The following ARHGAP10 variants were observed in gnomAD, a reference collection of about 807,000 sequenced individuals.
The protein encoded by ARHGAP10 is rho GTPase-activating protein 10.
ARHGAP10 carries 87 observed loss-of-function variants against 108.6 expected under a neutral mutation model. That is an observed-to-expected ratio of 0.80 (90% CI 0.67 to 0.96). ARHGAP10 has a LOEUF of 0.96. ARHGAP10 is among the 40% of genes least tolerant of loss of function. The pLI, the probability that ARHGAP10 is intolerant of heterozygous loss-of-function variation, is 0.00. For synonymous variants in ARHGAP10, 347 were observed against 341.1 expected (o/e 1.02, Z -0.19); for missense variants, 939 against 954.5 (o/e 0.98, Z 0.21).
At chr4:147,844,773 G>A (rs1733568026) in intron 3 of ARHGAP10, among the ~76,000 whole-genome samples, 2 of 152,052 alleles carry the variant, frequency 1.3e-5, no homozygotes, top group Admixed American at 1.3e-4. Flanking sequence ...GCCTTCATTT[G>A]AACCACCGCC....
chr4:147,879,752 T>G (rs1343325751), intron 9 of ARHGAP10, among the ~76,000 whole-genome samples: 1 of 151,918 alleles, frequency 6.6e-6, no homozygotes, highest in Non-Finnish European at 1.5e-5. Flanking sequence ...TGTCCATGTG[T>G]TCTCATTGTC....
chr4:147,746,872 T>C (rs1430206361), intron 1 of ARHGAP10, among the ~76,000 whole-genome samples: 2 of 152,184 alleles, frequency 1.3e-5, no homozygotes, highest in Non-Finnish European at 2.9e-5. Flanking sequence ...CTGAGGTAGA[T>C]GACAAGATTC....
At chr4:147,855,282 G>A (rs541940269) in intron 4 of ARHGAP10, among the ~76,000 whole-genome samples, 1 of 152,304 alleles carries the variant, frequency 6.6e-6, no homozygotes, top group African/African-American at 2.4e-5. Flanking sequence ...ACCTAATTCA[G>A]TGTGTACTTC....
chr4:148,072,103 C>T lies in ARHGAP10; in HGVS notation c.*22C>T, dbSNP rs1730210184. 9.4e-6 allele frequency: 15 copies of T among 1,602,796 alleles called. No homozygotes were observed. Among genetic ancestry groups the T allele is most frequent in the Non-Finnish European group, 1.3e-5 (15 of 1,174,840 alleles). On this transcript the variant is annotated 3_prime_UTR_variant, in exon 23 of 23. Coordinates refer to ENST00000336498, the MANE Select transcript of ARHGAP10 (RefSeq NM_024605.4). The stretch of plus-strand genomic sequence containing the variant: ...GTAGCTCCTGGCCTCAGAGCCCCTG[C>T]TGACCCTGGCACCCAGGGACCTGCC...
chr4:147,818,828 TA>T (rs1732369292), intron 1 of ARHGAP10, among the ~76,000 whole-genome samples: 1 of 152,116 alleles, frequency 6.6e-6, no homozygotes, highest in Admixed American at 6.6e-5. Flanking sequence ...ATGTATAAAG[TA>T]ATGGAAAGGA....
chr4:147,937,469 A>G lies in ARHGAP10; in HGVS notation c.1229-2356A>G, dbSNP rs556932449. 1.6e-3 allele frequency among the ~76,000 whole-genome samples: 250 copies of G among 152,304 alleles called. 1 individual carries two copies. Among genetic ancestry groups the G allele is most frequent in the African/African-American group, 5.8e-3 (242 of 41,570 alleles). On this transcript the variant is annotated intron_variant, in intron 13 of 22. Transcript: ENST00000336498. ...CGTCAACAGATGAATTTGTGGGGAT[A>G]CAATTCAGCCTATAACAGAAGGAAA...
intron 11 of ARHGAP10, 54 bp downstream of exon 11, chr4:147,906,773 A>G: frequency 1.3e-6 from 2 of 1,587,814 alleles, no homozygotes; most frequent in Non-Finnish European, 1.7e-6. Context: ...GTTGACTTGC[A>G]TTCATTTTTA....
chr4:148,050,557 T>C (rs1049571919), intron 20 of ARHGAP10, among the ~76,000 whole-genome samples: 1 of 151,900 alleles, frequency 6.6e-6, no homozygotes, highest in African/African-American at 2.4e-5. Flanking sequence ...GTGTTTTTAG[T>C]AGAGACGGGG....
At chr4:147,983,423 G>A (rs1007730279) in intron 18 of ARHGAP10, among the ~76,000 whole-genome samples, 4 of 152,036 alleles carry the variant, frequency 2.6e-5, no homozygotes, top group South Asian at 4.2e-4. Flanking sequence ...CTGAGCTCGT[G>A]ATCCGCCCGC....
At chr4:147,834,680 CCACCCACACTCA>C (rs1431400198) in intron 3 of ARHGAP10, among the ~76,000 whole-genome samples, 1 of 151,632 alleles carries the variant, frequency 6.6e-6, no homozygotes, top group Non-Finnish European at 1.5e-5. Flanking sequence ...ACACATCCAC[CCACCCACACTCA>C]CACCCACACC....
chr4:147,822,616 AG>A (rs1732550842), intron 1 of ARHGAP10, 110 bp from the exon 2 acceptor site: 1 of 1,077,352 alleles, frequency 9.3e-7, no homozygotes, highest in South Asian at 1.5e-5. Context: ...GCCTTCTCAT[AG>A]ATTGAGCGGA....
At chr4:147,881,761 C>G in intron 9 of ARHGAP10, 77 bp from the exon 10 acceptor site, 3 of 1,302,724 alleles carry the variant, frequency 2.3e-6, no homozygotes, top group Non-Finnish European at 2.2e-6. Context: ...TGCTCCCCTG[C>G]TCTCCAGTAT....
intron 1 of ARHGAP10, among the ~76,000 whole-genome samples, chr4:147,762,944 T>C (rs1729650634): frequency 6.6e-6 from 1 of 152,008 alleles, no homozygotes; most frequent in African/African-American, 2.4e-5. Context: ...CTAGGGGTAA[T>C]GAAGGATAAC....
At chr4:147,817,792 A>C (rs1045098231) in intron 1 of ARHGAP10, among the ~76,000 whole-genome samples, 4 of 152,216 alleles carry the variant, frequency 2.6e-5, no homozygotes, top group Admixed American at 6.5e-5. Context: ...TTATCCACCA[A>C]TATATAACAG....
intron 1 of ARHGAP10, among the ~76,000 whole-genome samples, chr4:147,820,199 T>C (rs1318768110): frequency 6.6e-6 from 1 of 152,168 alleles, no homozygotes; most frequent in Non-Finnish European, 1.5e-5. Flanking sequence ...GAGTTTGGCA[T>C]GTGTGAACCA....
Position 147,870,506 on chromosome 4 carries a change from C to T in ARHGAP10, c.702+3690C>T, listed in dbSNP as rs536372716. 4.0e-5 allele frequency among the ~76,000 whole-genome samples: 6 copies of T among 150,364 alleles called. No individual in the cohort carries two copies. The South Asian group carries it at 1.0e-3, about 26-fold the overall frequency. ...GAAAAAGGTAAAAGGTATTTAAAAG[C>T]GAAAACCTATTTTTCCCCATCTGAT... On this transcript the variant is annotated intron_variant, in intron 7 of 22. Coordinates refer to ENST00000336498, the MANE Select transcript of ARHGAP10 (RefSeq NM_024605.4).
chr4:147,798,781 CTATATATATA>C (rs201269477), intron 1 of ARHGAP10, among the ~76,000 whole-genome samples: 143 of 7,152 alleles, frequency 0.02, 4 homozygotes, highest in African/African-American at 0.025. Context: ...CTCTCTCTCT[CTATATATATA>C]TATATATATA....
At chr4:148,024,749 C>T (rs148368033) in intron 19 of ARHGAP10, among the ~76,000 whole-genome samples, 73 of 152,296 alleles carry the variant, frequency 4.8e-4, no homozygotes, top group African/African-American at 1.6e-3. Flanking sequence ...CTCTTTCTTA[C>T]GTTCATTCTT....
At chr4:147,783,057 TTATA>T (rs1170411292) in intron 1 of ARHGAP10, among the ~76,000 whole-genome samples, 25 of 141,310 alleles carry the variant, frequency 1.8e-4, no homozygotes, top group East Asian at 4.0e-4. Flanking sequence ...ATATGTTAAA[TTATA>T]TATATTATAT....
Sources: gnomAD v4.1 joint callset for allele counts (sites outside exome capture counted in the v4.1 genomes callset) on GRCh38, gnomAD v4.1.1 for gene constraint, MANE v1.5 for transcripts, NCBI Gene and HGNC (gene_info 2026-07-23, HGNC 2026-07-21) for gene names.